VPS45: variants seen among roughly 807,000 people sequenced by gnomAD.
VPS45 encodes vacuolar protein sorting 45 homolog, also known as vacuolar protein sorting-associated protein 45.
A neutral mutation model predicts 75.9 loss-of-function variants in VPS45; 35 were observed. The observed-to-expected ratio is 0.46, with a 90% CI of 0.35 to 0.61. The LOEUF (loss-of-function observed/expected upper bound fraction) is 0.61. Among genes scored for constraint, VPS45 ranks in the 20% least tolerant of loss-of-function variants. VPS45 has a pLI of 0.00. For synonymous variants in VPS45, 220 were observed against 238.2 expected (o/e 0.92, Z 0.70); for missense variants, 559 against 685.9 (o/e 0.81, Z 2.07).
At chr1:150,096,985 T>C (rs1656686917) in intron 13 of VPS45, among the ~76,000 whole-genome samples, 1 of 69,092 alleles carries the variant, frequency 1.4e-5, no homozygotes. Flanking sequence ...TACAGTACAA[T>C]ATTACGTATT....
At chr1:150,069,510 G>A (rs1288541751) in intron 2 of VPS45, among the ~76,000 whole-genome samples, 2 of 147,356 alleles carry the variant, frequency 1.4e-5, no homozygotes, top group East Asian at 4.0e-4. Flanking sequence ...AGGCTGGAGT[G>A]CAGTGGCGCA....
At chr1:150,136,282 G>A (rs1369079645) in intron 14 of VPS45, among the ~76,000 whole-genome samples, 3 of 147,894 alleles carry the variant, frequency 2.0e-5, no homozygotes, top group South Asian at 2.1e-4. Context: ...GGCCGGGTGC[G>A]GTGGTTCACA....
At chr1:150,071,383 T>C (rs1477943172) in intron 2 of VPS45, among the ~76,000 whole-genome samples, 1 of 152,246 alleles carries the variant, frequency 6.6e-6, no homozygotes, top group African/African-American at 2.4e-5. Flanking sequence ...ATTGTAGTTG[T>C]GCAGAGTCTT....
chr1:150,069,972 C>T (rs1273666864), intron 2 of VPS45, among the ~76,000 whole-genome samples: 2 of 152,090 alleles, frequency 1.3e-5, no homozygotes, highest in East Asian at 1.9e-4. Flanking sequence ...AGCCTCATTT[C>T]GAACCATCCC....
intron 13 of VPS45, chr1:150,098,812 AC>A: frequency 3.3e-6 from 4 of 1,198,024 alleles, no homozygotes; most frequent in Non-Finnish European, 3.3e-6. Flanking sequence ...ATTCTTGCAT[AC>A]CCTATTTTTC....
chr1:150,125,627 A>G (rs1158610023), intron 14 of VPS45, among the ~76,000 whole-genome samples: 1 of 118,258 alleles, frequency 8.5e-6, no homozygotes, highest in Non-Finnish European at 1.7e-5. Context: ...AGGAAGGGGA[A>G]CATCACACAC....
At chr1:150,068,405 A>G (rs1654845972) in intron 1 of VPS45, 4 of 419,674 alleles carry the variant, frequency 9.5e-6, no homozygotes, top group Admixed American at 4.2e-5. Context: ...TCCTGTTCAA[A>G]GAGACCATGT....
intron 14 of VPS45, among the ~76,000 whole-genome samples, chr1:150,142,389 T>G (rs1553815499): frequency 6.6e-6 from 1 of 152,190 alleles, no homozygotes; most frequent in African/African-American, 2.4e-5. Context: ...CCTCCAATTG[T>G]GTCTAGTCCA....
At chr1:150,143,487 C>T (rs1212656429) in intron 14 of VPS45, among the ~76,000 whole-genome samples, 4 of 151,558 alleles carry the variant, frequency 2.6e-5, no homozygotes, top group Non-Finnish European at 5.9e-5. Context: ...AATCGGGAGG[C>T]TGAGGGAGGA....
chr1:150,070,634 TACAAAAAAAAAAAACA>T, intron 2 of VPS45, among the ~76,000 whole-genome samples: 1 of 7,568 alleles, frequency 1.3e-4, no homozygotes, highest in South Asian at 5.0e-3. Flanking sequence ...CTACTAAAAA[TACAAAAAAAAAAAACA>T]ACAAAAAAAT....
rs144875079 is a variant in VPS45 at position 150,133,648 on chromosome 1, T to C, written c.1626-11061T>C. ...TCGTTTCTTGCATTTTTTAATAGTG[T>C]TCACCATGCTGCCCCTGTAGTTGTG... is the stretch of plus-strand genomic sequence containing the variant. On this transcript the variant is annotated intron_variant, in intron 14 of 14. Coordinates refer to ENST00000644510, the MANE Select transcript of VPS45 (RefSeq NM_007259.5). Among the ~76,000 whole-genome samples, 129 of 152,328 alleles carry C rather than the reference T, an allele frequency of 8.5e-4. 1 individual carries two copies. The highest frequency in any genetic ancestry group is 2.9e-3 in the African/African-American group (119 of 41,568).
intron 14 of VPS45, among the ~76,000 whole-genome samples, chr1:150,118,092 G>A (rs1658034480): frequency 6.6e-6 from 1 of 151,814 alleles, no homozygotes; most frequent in Non-Finnish European, 1.5e-5. Flanking sequence ...AGACCAGCCT[G>A]CCCAACATGG....
At chr1:150,081,863 T>G in intron 8 of VPS45, 21 bp from the exon 9 acceptor site, 1 of 1,497,314 alleles carries the variant, frequency 6.7e-7, no homozygotes, top group Non-Finnish European at 9.2e-7. Flanking sequence ...TGAAGTGTGC[T>G]TCCAACTTTC....
chr1:150,127,582 C>A (rs1453102561), intron 14 of VPS45, among the ~76,000 whole-genome samples: 1 of 152,312 alleles, frequency 6.6e-6, no homozygotes, highest in East Asian at 1.9e-4. Flanking sequence ...GCCACCACAC[C>A]CAGCCAAGGT....
At chr1:150,120,112 A>AT (rs1658157292) in intron 14 of VPS45, among the ~76,000 whole-genome samples, 1 of 134,548 alleles carries the variant, frequency 7.4e-6, no homozygotes, top group South Asian at 2.1e-4. Context: ...CCATCTAAAA[A>AT]AAAATAATAA....
intron 10 of VPS45, among the ~76,000 whole-genome samples, chr1:150,084,366 C>T (rs1655892281): frequency 6.6e-6 from 1 of 152,068 alleles, no homozygotes; most frequent in African/African-American, 2.4e-5. Flanking sequence ...GGTGAAAAAA[C>T]AGGTCAGAGA....
intron 14 of VPS45, among the ~76,000 whole-genome samples, chr1:150,140,386 G>GGT (rs574312693): frequency 0.091 from 12,814 of 140,302 alleles, 564 homozygotes; most frequent in East Asian, 0.13. Context: ...CATCACTTCT[G>GGT]GTGTGTGTGT....
At chr1:150,112,587 A>G (rs896456884) in intron 14 of VPS45, among the ~76,000 whole-genome samples, 35 of 151,952 alleles carry the variant, frequency 2.3e-4, no homozygotes, top group African/African-American at 8.5e-4. Flanking sequence ...TCCCAACACC[A>G]TTTTTCCAAT....
chr1:150,067,623 G>C (rs1182273327), upstream of VPS45: 2 of 505,968 alleles, frequency 4.0e-6, no homozygotes, highest in Admixed American at 3.6e-5. Flanking sequence ...GGAGAATAAC[G>C]CCCGCGCGTG....
Sources: gnomAD v4.1 joint callset for allele counts (sites outside exome capture counted in the v4.1 genomes callset) on GRCh38, gnomAD v4.1.1 for gene constraint, MANE v1.5 for transcripts, NCBI Gene and HGNC (gene_info 2026-07-23, HGNC 2026-07-21) for gene names.